HOXA4: variants seen among roughly 807,000 people sequenced by gnomAD.
HOXA4 encodes homeobox protein Hox-A4.
A neutral mutation model predicts 25.3 loss-of-function variants in HOXA4; 31 were observed. That is an observed-to-expected ratio of 1.22 (90% CI 0.92 to 1.65). HOXA4 has a LOEUF of 1.65. Among genes scored for constraint, HOXA4 ranks in the 40% most tolerant of loss-of-function variants. The pLI, the probability that HOXA4 is intolerant of heterozygous loss-of-function variation, is 0.00. For missense variants in HOXA4, 459 were observed against 446.0 expected (o/e 1.03, Z -0.26); for synonymous variants, 225 against 207.7 (o/e 1.08, Z -0.72).
At chr7:27,129,697 A>T in intron 1 of HOXA4, 126 bp from the exon 2 acceptor site, 1 of 1,025,508 alleles carries the variant, frequency 9.8e-7, no homozygotes. Context: ...ATAACCTGAC[A>T]CCAAGTTCAC....
In HOXA4 at chr7:27,130,219, G is replaced by A. The variant is rs751232255; in HGVS notation, c.515C>T (p.Ala172Val). ...ATPGVPAGGSAPACPLLLADK... is the reference protein window; with the variant it reads ...ATPGVPAGGSVPACPLLLADK... ...GGCCAAGAGCAGCGGGCACGCGGGG[G>A]CGCTGCCCCCTGCCGGGACGCCTGG... Residue 172 changes from alanine (A) to valine (V), a missense_variant, in exon 1 of 2, where the codon GCC (alanine) becomes GTC (valine). Coordinates refer to ENST00000360046, the MANE Select transcript of HOXA4 (RefSeq NM_002141.5). 1.2e-5 allele frequency: 18 copies of A among 1,488,576 alleles called. No homozygotes were observed. Among genetic ancestry groups the A allele is most frequent in the South Asian group, 2.5e-5 (2 of 79,918 alleles). The allele number at this position is 1,488,576 out of a possible 1,614,324, so 92.2% of individuals were successfully genotyped here. A position where few individuals can be genotyped will look rare whatever the true frequency, so the allele number is the denominator to read the frequency against.
chr7:27,130,137 C>G lies in HOXA4; in HGVS notation c.597G>C (p.Lys199Asn). ...GKEPVVYPWM[K>N]KIHVSAVNPS... is the part of the protein sequence containing the mutation. ...ACGTACCGGCGCTGACATGGATCTT[C>G]TTCATCCAGGGGTACACCACGGGCT... The change falls in exon 1 of 2, where the codon AAG becomes AAC. Residue 199 changes from lysine (K) to asparagine (N), a missense_variant. Physicochemically the swap from Lys to Asn is moderately conservative, Grantham distance 94 (BLOSUM62 0). Coordinates refer to ENST00000360046, the MANE Select transcript of HOXA4 (RefSeq NM_002141.5). 1 of 1,603,632 alleles carries G rather than the reference C, an allele frequency of 6.2e-7. No homozygotes were observed. Among genetic ancestry groups the G allele is most frequent in the Non-Finnish European group, 8.5e-7 (1 of 1,177,604 alleles).
Position 27,129,414 on chromosome 7 carries a change from C to T in HOXA4, c.774G>A (p.Gln258=). ...TCCGGTTCTGAAACCAGATCTTGAC[C>T]TGGCGCTCAGACAAACAGAGCGTGT... ...IAHTLCLSER[Q]VKIWFQNRRM... is the part of the protein sequence containing the mutation. The change falls in exon 2 of 2, where the codon CAG becomes CAA. Residue 258 remains glutamine (Q), a synonymous_variant. Transcript: ENST00000360046. 1 of 1,614,176 alleles carries T rather than the reference C, an allele frequency of 6.2e-7. No homozygotes were observed. Among genetic ancestry groups the T allele is most frequent in the Non-Finnish European group, 8.5e-7 (1 of 1,180,042 alleles).
At position 27,129,161 on chromosome 7, in the gene HOXA4, C is replaced by G; in HGVS notation, c.*64G>C. On this transcript the variant is annotated 3_prime_UTR_variant, in exon 2 of 2. Transcript: ENST00000360046. Reference sequence around the variant, plus strand: ...CAGATGGGGAGGGGTGGATGAGGAACGGAGCAGGAGAAGAGAAGAGAAAAG... The same window carrying G: ...CAGATGGGGAGGGGTGGATGAGGAAGGGAGCAGGAGAAGAGAAGAGAAAAG... 1.0e-6 allele frequency: 1 copy of G among 991,158 alleles called. No individual in the cohort carries two copies. The highest frequency in any genetic ancestry group is 1.3e-5 in the South Asian group (1 of 78,490). 61.4% of individuals were successfully genotyped at this position (991,158 alleles called of 1,614,324 possible).
In HOXA4 at chr7:27,130,626, C is replaced by T. The variant is rs1785510847; in HGVS notation, c.108G>A (p.Pro36=). ...HSGSGGADGG[P]GGGPGYQQPP... is the part of the protein sequence containing the mutation. ...GCTGCTGGTAGCCGGGGCCCCCGCC[C>T]GGGCCGCCGTCTGCGCCGCCCGAGC... Residue 36 remains proline, a synonymous_variant, in exon 1 of 2, where the codon CCG becomes CCA. Transcript: ENST00000360046. The T allele has an allele frequency of 1.9e-6, 3 of 1,570,118 alleles. No individual in the cohort carries two copies. The highest frequency in any genetic ancestry group is 2.7e-5 in the African/African-American group (2 of 73,032).
Position 27,129,253 on chromosome 7 carries a change from G to C in HOXA4, c.935C>G (p.Thr312Ser), listed in dbSNP as rs571546730. ...PHLHPHPHPS[T>S]STPVPSSI Reference sequence around the variant, plus strand: ...TATGGAGGAGGGAACGGGTGTGGAGGTGCTCGGGTGGGGGTGGGGATGGAG... The same window carrying C: ...TATGGAGGAGGGAACGGGTGTGGAGCTGCTCGGGTGGGGGTGGGGATGGAG... Residue 312 changes from threonine (T) to serine (S), a missense_variant, in exon 2 of 2, where the codon ACC becomes AGC. Thr to Ser is a moderately conservative substitution (Grantham distance 58, BLOSUM62 1). Coordinates refer to ENST00000360046, the MANE Select transcript of HOXA4 (RefSeq NM_002141.5). 8 of 1,602,628 alleles carry C rather than the reference G, an allele frequency of 5.0e-6. No homozygotes were observed. Among genetic ancestry groups the C allele is most frequent in the Non-Finnish European group, 6.8e-6 (8 of 1,169,958 alleles).
rs373599669 is a variant in HOXA4 at position 27,129,258 on chromosome 7, C to T, written c.930G>A (p.Pro310=). Reference sequence around the variant, plus strand: ...AGGAGGGAACGGGTGTGGAGGTGCTCGGGTGGGGGTGGGGATGGAGGTGTG... The same window carrying T: ...AGGAGGGAACGGGTGTGGAGGTGCTTGGGTGGGGGTGGGGATGGAGGTGTG... The part of the protein sequence containing the change: ...QSPHLHPHPH[P]STSTPVPSSI Residue 310 remains proline (P), a synonymous_variant, in exon 2 of 2, where the codon CCG becomes CCA. Transcript: ENST00000360046. 461 of 1,290,232 alleles carry T rather than the reference C, an allele frequency of 3.6e-4. 4 individuals carry two copies. The Middle Eastern group carries it at 4.3e-3, about 12-fold the overall frequency. The allele number at this position is 1,290,232 out of a possible 1,614,324, so 79.9% of individuals were successfully genotyped here.
Position 27,130,602 on chromosome 7 carries a change from C to T in HOXA4, c.132G>A (p.Gln44=). ...GGPGGGPGYQ[Q]PPAPPTQHLP... Reference sequence around the variant, plus strand: ...GGTGCTGGGTCGGGGGCGCTGGGGGCTGCTGGTAGCCGGGGCCCCCGCCCG... The same window carrying T: ...GGTGCTGGGTCGGGGGCGCTGGGGGTTGCTGGTAGCCGGGGCCCCCGCCCG... Residue 44 remains glutamine (Q), a synonymous_variant, in exon 1 of 2, where the codon CAG becomes CAA. Transcript: ENST00000360046. The T allele has an allele frequency of 6.5e-7, 1 of 1,537,998 alleles. No individual in the cohort carries two copies. The highest frequency in any genetic ancestry group is 8.8e-7 in the Non-Finnish European group (1 of 1,140,248).
At chr7:27,130,009 C>T in intron 1 of HOXA4, 109 bp downstream of exon 1, 4 of 1,291,748 alleles carry the variant, frequency 3.1e-6, no homozygotes, top group East Asian at 2.6e-5. Context: ...CAGATGGGGG[C>T]TCCCCTCCCG....
At position 27,129,361 on chromosome 7, in the gene HOXA4, A is replaced by G; in HGVS notation, c.827T>C (p.Leu276Pro). ...RRMKWKKDHK[L>P]PNTKMRSSNS... ...GGAGGATCGCATCTTGGTGTTGGGC[A>G]GTTTGTGGTCTTTCTTCCACTTCAT... The change falls in exon 2 of 2, where the codon CTG (leucine) becomes CCG (proline). Residue 276 changes from leucine to proline, a missense_variant. Leu to Pro is a moderately conservative substitution (Grantham distance 98). Transcript: ENST00000360046. 1 of 1,614,114 alleles carries G rather than the reference A, an allele frequency of 6.2e-7. No homozygotes were observed.
In HOXA4 at chr7:27,129,517, CG is replaced by C; in HGVS notation, c.670del (p.Arg224GlyfsTer17). ...CTTCTCCAGCTCCAAGACCTGCTGC[CG>C]GGTGTAGGCGGTTCGAGAGCGCTTA... ...EPKRSRTAYT[R>X]QQVLELEKEF... On this transcript the variant is annotated frameshift_variant, in exon 2 of 2. Coordinates refer to ENST00000360046, the MANE Select transcript of HOXA4 (RefSeq NM_002141.5). LOFTEE classifies it high-confidence loss of function. The C allele has an allele frequency of 1.2e-6, 2 of 1,614,068 alleles. No homozygotes were observed. The highest frequency in any genetic ancestry group is 1.7e-6 in the Non-Finnish European group (2 of 1,180,028).
chr7:27,130,016 C>A, intron 1 of HOXA4, 102 bp downstream of exon 1: 4 of 1,351,798 alleles, frequency 3.0e-6, no homozygotes. Flanking sequence ...GGGCTCCCCT[C>A]CCGAGGCCCC....
rs1328004541 is a variant in HOXA4, at chr7:27,129,042, G to C, written c.*183C>G. ...GCATCCTGGACAACTGTTCTCTCTTGGGTGGCAACCAGCACAGACTCTTAA... is the reference window on the plus strand; with the variant it reads ...GCATCCTGGACAACTGTTCTCTCTTCGGTGGCAACCAGCACAGACTCTTAA... On this transcript the variant is annotated 3_prime_UTR_variant, in exon 2 of 2. Coordinates refer to ENST00000360046, the MANE Select transcript of HOXA4 (RefSeq NM_002141.5). 3.1e-6 allele frequency: 2 copies of C among 655,094 alleles called. No homozygotes were observed. Among genetic ancestry groups the C allele is most frequent in the Admixed American group, 4.8e-5 (2 of 41,280 alleles). The allele number at this position is 655,094 out of a possible 1,614,324, so 40.6% of individuals were successfully genotyped here. A position where few individuals can be genotyped will look rare whatever the true frequency, so the allele number is the denominator to read the frequency against.
intron 1 of HOXA4, 171 bp downstream of exon 1, chr7:27,129,947 G>C: frequency 1.4e-6 from 1 of 713,150 alleles, no homozygotes; most frequent in Non-Finnish European, 2.3e-6. Context: ...CTCATGTTGG[G>C]ATCAGGCGGC....
chr7:27,130,419 G>C lies in HOXA4; in HGVS notation c.315C>G (p.Arg105=). ...GCGGCCGCCCGGGGCTGGCGCCGCC[G>C]CGGTAGCCATAGGGGTAGGCGGTGT... The part of the protein sequence containing the change: ...AADTAYPYGY[R]GGASPGRPPQ... Residue 105 remains arginine (R), a synonymous_variant, in exon 1 of 2, where the codon CGC becomes CGG. Coordinates refer to ENST00000360046, the MANE Select transcript of HOXA4 (RefSeq NM_002141.5). 1 of 1,176,884 alleles carries C rather than the reference G, an allele frequency of 8.5e-7. No individual in the cohort carries two copies. Among genetic ancestry groups the C allele is most frequent in the Non-Finnish European group, 1.0e-6 (1 of 953,554 alleles). 72.9% of individuals were successfully genotyped at this position (1,176,884 alleles called of 1,614,324 possible).
chr7:27,129,263 G>T lies in HOXA4; in HGVS notation c.925C>A (p.His309Asn), dbSNP rs201659767. ...TQSPHLHPHP[H>N]PSTSTPVPSS... ...GGAACGGGTGTGGAGGTGCTCGGGT[G>T]GGGGTGGGGATGGAGGTGTGGGCTC... Residue 309 changes from histidine to asparagine, a missense_variant, in exon 2 of 2, where the codon CAC (histidine) becomes AAC (asparagine). His to Asn is a moderately conservative substitution (Grantham distance 68). Transcript: ENST00000360046. 383 of 1,610,194 alleles carry T rather than the reference G, an allele frequency of 2.4e-4. No homozygotes were observed. The highest frequency in any genetic ancestry group is 6.6e-4 in the Middle Eastern group (4 of 6,042).
Position 27,130,694 on chromosome 7 carries a change from C to A in HOXA4, c.40G>T (p.Glu14Ter). Reference protein sequence around the residue: ...SSFLINSNYIEPKFPPFEEYA... With the variant: ...SSFLINSNYI ...TCCTCGAAGGGAGGGAACTTGGGCT[C>A]GATGTAGTTGGAGTTTATCAAAAAC... The change falls in exon 1 of 2, where the codon GAG becomes TAG. Residue 14 changes from glutamate to a stop codon, truncating the protein, a stop_gained. Transcript: ENST00000360046. LOFTEE classifies it high-confidence loss of function. 6.2e-7 allele frequency: 1 copy of A among 1,608,686 alleles called. No homozygotes were observed. Among genetic ancestry groups the A allele is most frequent in the South Asian group, 1.1e-5 (1 of 90,532 alleles).
At position 27,128,770 on chromosome 7, in the gene HOXA4, C is replaced by T. The variant is rs1785388896; in HGVS notation, c.*455G>A. ...AATCTTGTGAGGTCCACAATGTCTA[C>T]TCATTTATTCAGTTAAATACAAGCT... On this transcript the variant is annotated 3_prime_UTR_variant, in exon 2 of 2. Coordinates refer to ENST00000360046, the MANE Select transcript of HOXA4 (RefSeq NM_002141.5). The T allele has an allele frequency of 5.2e-6, 1 of 192,868 alleles. No individual in the cohort carries two copies. Among genetic ancestry groups the T allele is most frequent in the Non-Finnish European group, 1.1e-5 (1 of 91,376 alleles). The allele number at this position is 192,868 out of a possible 1,614,324, so 11.9% of individuals were successfully genotyped here. A position where few individuals can be genotyped will look rare whatever the true frequency, so the allele number is the denominator to read the frequency against.
chr7:27,129,474 T>G lies in HOXA4; in HGVS notation c.714A>C (p.Arg238=), dbSNP rs2158218. 1,558,036 of 1,614,150 alleles carry G rather than the reference T, an allele frequency of 0.97. 752,232 individuals are homozygous for G. Among genetic ancestry groups the G allele is most frequent in the East Asian group, 1 (44,751 of 44,860 alleles). The change falls in exon 2 of 2, where the codon CGA becomes CGC. Residue 238 remains arginine (R), a synonymous_variant. Transcript: ENST00000360046. The part of the protein sequence containing the change: ...LELEKEFHFN[R]YLTRRRRIEI... ...CGATGCGGCGCCGCCGGGTCAGGTA[T>G]CGATTGAAGTGGAACTCCTTCTCCA... is the stretch of plus-strand genomic sequence containing the variant.
Sources: gnomAD v4.1 joint callset for allele counts on GRCh38, gnomAD v4.1.1 for gene constraint, MANE v1.5 for transcripts, NCBI Gene and HGNC (gene_info 2026-07-23, HGNC 2026-07-21) for gene names.